Variants in MYO10 observed in about 807,000 individuals in gnomAD.
MYO10 encodes unconventional myosin-X.
In MYO10, 133 loss-of-function variants were observed where a neutral mutation model predicts 257.3. The ratio of observed to expected loss-of-function variants is 0.52; its 90% CI spans 0.45 to 0.60. The LOEUF is 0.60. Among genes scored for constraint, MYO10 ranks in the 20% least tolerant of loss-of-function variants. The pLI is 0.00. For missense variants in MYO10, 2,399 were observed against 2,635.7 expected, an observed-to-expected ratio of 0.91 and a Z score of 1.97; for synonymous variants, 1,104 against 1,028.6, an observed-to-expected ratio of 1.07 and a Z score of -1.40.
At chr5:16,734,241 A>G (rs571909052) in intron 19 of MYO10, among the ~76,000 whole-genome samples, 1 of 152,278 alleles carries the variant, frequency 6.6e-6, no homozygotes, top group South Asian at 2.1e-4. Context: ...CACTTCCTTC[A>G]GCGATCCAAT....
intron 2 of MYO10, among the ~76,000 whole-genome samples, chr5:16,834,749 C>T (rs1472996993): frequency 6.6e-6 from 1 of 152,164 alleles, no homozygotes; most frequent in Non-Finnish European, 1.5e-5. Context: ...ATGAAAAGGA[C>T]ATATTCAAAC....
At chr5:16,814,109 T>TAC (rs1742525618) in intron 3 of MYO10, among the ~76,000 whole-genome samples, 1 of 152,130 alleles carries the variant, frequency 6.6e-6, no homozygotes, top group Non-Finnish European at 1.5e-5. Flanking sequence ...TGGTGAGACT[T>TAC]ATGGGACTTT....
intron 2 of MYO10, among the ~76,000 whole-genome samples, chr5:16,819,787 GTTTT>G (rs1013677983): frequency 2.0e-5 from 3 of 151,946 alleles, no homozygotes; most frequent in South Asian, 4.2e-4. Flanking sequence ...CAATCCAATG[GTTTT>G]TTTTCATGAG....
At chr5:16,928,950 T>C (rs995909817) in intron 1 of MYO10, among the ~76,000 whole-genome samples, 3 of 144,846 alleles carry the variant, frequency 2.1e-5, no homozygotes, top group Admixed American at 2.1e-4. Flanking sequence ...TAGTGGCATG[T>C]TTTTTTTTTG....
intron 1 of MYO10, among the ~76,000 whole-genome samples, chr5:16,920,252 T>G (rs1248771623): frequency 2.0e-5 from 3 of 152,066 alleles, no homozygotes; most frequent in African/African-American, 4.8e-5. Flanking sequence ...CCAGCCTGAG[T>G]GACAGAGCAT....
intron 2 of MYO10, among the ~76,000 whole-genome samples, chr5:16,821,443 C>CTT (rs571931909): frequency 1.4e-5 from 1 of 70,262 alleles, no homozygotes; most frequent in African/African-American, 6.1e-5. Flanking sequence ...CTCCTATTTT[C>CTT]TTTTTTTTTT....
At chr5:16,867,974 G>C (rs958253357) in intron 2 of MYO10, among the ~76,000 whole-genome samples, 4 of 152,082 alleles carry the variant, frequency 2.6e-5, no homozygotes, top group African/African-American at 9.7e-5. Flanking sequence ...AATACCAAAC[G>C]GAATCCCTGC....
chr5:16,794,735 C>G lies in MYO10; in HGVS notation c.378G>C (p.Leu126=). 1 of 1,613,178 alleles carries G rather than the reference C, an allele frequency of 6.2e-7. No individual in the cohort carries two copies. Among genetic ancestry groups the G allele is most frequent in the Non-Finnish European group, 8.5e-7 (1 of 1,179,594 alleles). The change falls in exon 4 of 41, where the codon CTG becomes CTC. Residue 126 remains leucine (L), a synonymous_variant. Transcript: ENST00000513610. ...ATMEQYSRRH[L]GELPPHIFAI... ...CGAAGATGTGCGGGGGCAGCTCGCC[C>G]AGGTGGCGCCGGCTGTACTGCTCCA...
intron 28 of MYO10, among the ~76,000 whole-genome samples, chr5:16,687,254 A>G (rs1392784720): frequency 6.6e-6 from 1 of 151,868 alleles, no homozygotes; most frequent in Non-Finnish European, 1.5e-5. Flanking sequence ...CCAGAAGGCC[A>G]AGGCTGCAAT....
intron 2 of MYO10, among the ~76,000 whole-genome samples, chr5:16,861,470 G>T (rs1281686508): frequency 6.6e-6 from 1 of 152,138 alleles, no homozygotes; most frequent in East Asian, 1.9e-4. Flanking sequence ...TACCTGGGAG[G>T]CTGAGGCAGG....
At chr5:16,667,666 C>T (rs370989403) in intron 40 of MYO10, among the ~76,000 whole-genome samples, 3 of 151,646 alleles carry the variant, frequency 2.0e-5, no homozygotes, top group African/African-American at 7.2e-5. Flanking sequence ...GAACGCCCTC[C>T]TCAATGCCTC....
At chr5:16,707,325 T>A (rs542474598) in intron 21 of MYO10, among the ~76,000 whole-genome samples, 75 of 152,300 alleles carry the variant, frequency 4.9e-4, no homozygotes, top group African/African-American at 1.8e-3. Context: ...TTTGCCATGT[T>A]CCCAGGACTC....
At position 16,761,546 on chromosome 5, in the gene MYO10, C is replaced by T. The variant is rs1181461874; in HGVS notation, c.1657G>A (p.Val553Met). The T allele has an allele frequency of 6.2e-7, 1 of 1,608,726 alleles. No homozygotes were observed. Among genetic ancestry groups the T allele is most frequent in the Non-Finnish European group, 8.5e-7 (1 of 1,176,094 alleles). Residue 553 changes from valine (V) to methionine (M), a missense_variant and splice_region_variant, in exon 17 of 41, where the codon GTG becomes ATG. By Grantham distance (21) the Val-to-Met change is conservative (BLOSUM62 1). Around this residue, in one of 3 missense-constraint regions of MYO10, gnomAD observed 337 missense variants for 446.8 expected, o/e 0.75. Coordinates refer to ENST00000513610, the MANE Select transcript of MYO10 (RefSeq NM_012334.3). ...AAGATACCTCGGACATCATATTGCACCTAGTTTTAATAAATAAGAGAGGAG... is the reference window on the plus strand; with the variant it reads ...AAGATACCTCGGACATCATATTGCATCTAGTTTTAATAAATAAGAGAGGAG... ...NFGVKHYAGEVQYDVRGILEK... is the reference protein window; with the variant it reads ...NFGVKHYAGEMQYDVRGILEK...
intron 1 of MYO10, among the ~76,000 whole-genome samples, chr5:16,900,744 GT>G (rs374195788): frequency 2.9e-4 from 39 of 132,714 alleles, no homozygotes; most frequent in East Asian, 6.9e-4. Context: ...CCTAAATCTT[GT>G]TTTTTTTTTT....
intron 1 of MYO10, among the ~76,000 whole-genome samples, chr5:16,932,621 G>A (rs1030650108): frequency 6.6e-6 from 1 of 152,068 alleles, no homozygotes; most frequent in Non-Finnish European, 1.5e-5. Context: ...TTCTAATGAA[G>A]GCCATGAAGA....
At chr5:16,876,914 C>T (rs184698455) in intron 2 of MYO10, among the ~76,000 whole-genome samples, 3 of 152,302 alleles carry the variant, frequency 2.0e-5, no homozygotes, top group African/African-American at 7.2e-5. Flanking sequence ...ATCTCCCATG[C>T]AGTGCTGTTA....
intron 19 of MYO10, among the ~76,000 whole-genome samples, chr5:16,754,070 A>G (rs1740459789): frequency 6.6e-6 from 1 of 152,224 alleles, no homozygotes; most frequent in Non-Finnish European, 1.5e-5. Flanking sequence ...CATAAAAATT[A>G]CATTACAATT....
chr5:16,913,570 G>C (rs906805776), intron 1 of MYO10, among the ~76,000 whole-genome samples: 1 of 152,208 alleles, frequency 6.6e-6, no homozygotes. Flanking sequence ...AGTGCCCAGA[G>C]TGCCAGGGAA....
Position 16,893,290 on chromosome 5 carries a change from C to T in MYO10, c.22-15583G>A, listed in dbSNP as rs141435837. ...AAGAGGATGAGAAACATTTAAATGA[C>T]ATAAATGCCTCTTTGGTCCTCTTGA... On this transcript the variant is annotated intron_variant, in intron 1 of 40. Coordinates refer to ENST00000513610, the MANE Select transcript of MYO10 (RefSeq NM_012334.3). Among the ~76,000 whole-genome samples, 875 of 150,006 alleles carry T rather than the reference C, an allele frequency of 5.8e-3. 12 individuals are homozygous for T. Among genetic ancestry groups the T allele is most frequent in the African/African-American group, 0.021 (844 of 40,974 alleles).
Sources: gnomAD v4.1 joint callset for allele counts (sites outside exome capture counted in the v4.1 genomes callset) on GRCh38, gnomAD v4.1.1 for gene constraint, gnomAD v4.1.1 regional missense constraint, MANE v1.5 for transcripts, NCBI Gene and HGNC (gene_info 2026-07-23, HGNC 2026-07-21) for gene names.